Variants in HACE1 observed in about 807,000 individuals in gnomAD.
HACE1 encodes the protein HECT domain and ankyrin repeat containing E3 ubiquitin protein ligase 1.
Under a neutral mutation model 118.4 loss-of-function variants are expected in HACE1, and 73 were observed. The observed-to-expected ratio is 0.62, with a 90% confidence interval of 0.51 to 0.75. The LOEUF is 0.75. Ranked by LOEUF, HACE1 falls within the 30% of genes least tolerant of loss-of-function variation. The pLI is 0.00. For missense variants in HACE1, 749 were observed against 1,102.2 expected (o/e 0.68, Z 4.54); for synonymous variants, 368 against 374.8 (o/e 0.98, Z 0.21).
rs374010234 is a variant in HACE1, at chr6:104,771,358, G to C, written c.2046C>G (p.Ser682=). 6.2e-7 allele frequency: 1 copy of C among 1,612,016 alleles called. No homozygotes were observed. The highest frequency in any genetic ancestry group is 8.5e-7 in the Non-Finnish European group (1 of 1,178,242). Residue 682 remains serine (S), a synonymous_variant, in exon 19 of 24, where the codon TCC becomes TCG. Coordinates refer to ENST00000262903, the MANE Select transcript of HACE1 (RefSeq NM_020771.4). ...AATTTTTCGCATATTCTGGATCAATGGATGCCACATCTTGGTAATTTACAG... is the reference window on the plus strand; with the variant it reads ...AATTTTTCGCATATTCTGGATCAATCGATGCCACATCTTGGTAATTTACAG... The part of the protein sequence containing the change: ...GIPVNYQDVA[S]IDPEYAKNLQ...
chr6:104,838,695 T>C (rs933036936), intron 5 of HACE1, among the ~76,000 whole-genome samples: 3 of 151,786 alleles, frequency 2.0e-5, no homozygotes, highest in Non-Finnish European at 2.9e-5. Flanking sequence ...AAATTTGCTT[T>C]TAAGTAAAAG....
At chr6:104,730,694 C>A in intron 22 of HACE1, 1 of 383,620 alleles carries the variant, frequency 2.6e-6, no homozygotes, top group Non-Finnish European at 4.9e-6. Flanking sequence ...GCTACATTTA[C>A]AATTATTTGC....
chr6:104,792,131 T>G (rs1429541597), intron 10 of HACE1, among the ~76,000 whole-genome samples: 1 of 152,150 alleles, frequency 6.6e-6, no homozygotes, highest in Non-Finnish European at 1.5e-5. Context: ...CATATCCCCT[T>G]CCCACCACAG....
rs568708161 is a variant in HACE1, at chr6:104,841,644, C to T, written c.402+1579G>A. Reference sequence around the variant, plus strand: ...TTAGGAAAGTTGTTTTTCTATACCTCATTCCCCAATTTTTAATCATAAAGG... The same window carrying T: ...TTAGGAAAGTTGTTTTTCTATACCTTATTCCCCAATTTTTAATCATAAAGG... On this transcript the variant is annotated intron_variant, in intron 5 of 23. Transcript: ENST00000262903. 4.6e-5 allele frequency among the ~76,000 whole-genome samples: 7 copies of T among 152,250 alleles called. No homozygotes were observed. The South Asian group carries it at 1.2e-3, about 27-fold the overall frequency.
At chr6:104,801,410 A>G (rs775155049) in intron 7 of HACE1, among the ~76,000 whole-genome samples, 4 of 152,184 alleles carry the variant, frequency 2.6e-5, no homozygotes, top group Non-Finnish European at 5.9e-5. Context: ...CAAGACACAT[A>G]ACTGTCAGAT....
intron 5 of HACE1, among the ~76,000 whole-genome samples, chr6:104,837,087 C>T (rs1774619855): frequency 6.6e-6 from 1 of 152,164 alleles, no homozygotes; most frequent in Admixed American, 6.5e-5. Flanking sequence ...ATTGACCTAT[C>T]AGTTTAAAGC....
intron 19 of HACE1, among the ~76,000 whole-genome samples, chr6:104,750,942 C>T (rs923492963): frequency 3.9e-5 from 6 of 152,126 alleles, no homozygotes; most frequent in African/African-American, 1.2e-4. Context: ...AACTCAGATC[C>T]GGCAGCTCTC....
chr6:104,802,915 G>A (rs1363687523), intron 7 of HACE1, among the ~76,000 whole-genome samples: 2 of 152,278 alleles, frequency 1.3e-5, no homozygotes, highest in East Asian at 1.9e-4. Flanking sequence ...AAAAATCAAT[G>A]AATCCAGGAG....
At chr6:104,829,639 A>G (rs1054747810) in intron 6 of HACE1, among the ~76,000 whole-genome samples, 1 of 152,152 alleles carries the variant, frequency 6.6e-6, no homozygotes, top group Non-Finnish European at 1.5e-5. Context: ...CTTTACCTGT[A>G]TATGATCATT....
intron 22 of HACE1, among the ~76,000 whole-genome samples, chr6:104,735,734 A>G (rs9377669): frequency 0.22 from 33,433 of 152,174 alleles, 3,842 homozygotes; most frequent in African/African-American, 0.29. Context: ...AAATGAATAT[A>G]TATCAAGATT....
At position 104,797,006 on chromosome 6, in the gene HACE1, C is replaced by T; in HGVS notation, c.637G>A (p.Ala213Thr). ...GCTCCTCGTAATAGTAGGATCTGTG[C>T]TGTATCTCTCTGACCATGACTGTGT... Reference protein sequence around the residue: ...FACSHGQRDTAQILLLRGAKY... With the variant: ...FACSHGQRDTTQILLLRGAKY... Residue 213 changes from alanine to threonine, a missense_variant, in exon 8 of 24, where the codon GCA becomes ACA. Physicochemically the swap from Ala to Thr is moderately conservative, Grantham distance 58 (BLOSUM62 0). This residue lies in a region of HACE1 where 267 missense variants were observed against 312.2 expected (regional missense o/e 0.86). Coordinates refer to ENST00000262903, the MANE Select transcript of HACE1 (RefSeq NM_020771.4). 2 of 1,584,656 alleles carry T rather than the reference C, an allele frequency of 1.3e-6. No homozygotes were observed. The highest frequency in any genetic ancestry group is 1.3e-5 in the African/African-American group (1 of 74,476).
chr6:104,754,715 C>T (rs1778417238), intron 19 of HACE1, among the ~76,000 whole-genome samples: 1 of 152,144 alleles, frequency 6.6e-6, no homozygotes, highest in Admixed American at 6.5e-5. Flanking sequence ...GAAATAAGAT[C>T]CTTTTCAGAA....
At position 104,837,543 on chromosome 6, in the gene HACE1, GA is replaced by G. The variant is rs1485056219; in HGVS notation, c.403-4371del. 2.6e-5 allele frequency among the ~76,000 whole-genome samples: 4 copies of G among 152,066 alleles called. No individual in the cohort carries two copies. In the East Asian group the frequency reaches 5.8e-4, roughly 22 times the overall value. On this transcript the variant is annotated intron_variant, in intron 5 of 23. Coordinates refer to ENST00000262903, the MANE Select transcript of HACE1 (RefSeq NM_020771.4). ...AAAACACAGAAACATAAAACTTGTA[GA>G]AAAAAATATATGAGACAATCTTCAG...
chr6:104,757,617 A>G (rs1265827089), intron 19 of HACE1, among the ~76,000 whole-genome samples: 2 of 152,196 alleles, frequency 1.3e-5, no homozygotes, highest in African/African-American at 4.8e-5. Context: ...TGAAAATACC[A>G]AAAACCAGAA....
chr6:104,760,945 C>T (rs1338808208), intron 19 of HACE1, among the ~76,000 whole-genome samples: 1 of 152,112 alleles, frequency 6.6e-6, no homozygotes, highest in African/African-American at 2.4e-5. Flanking sequence ...CTTAAATTCA[C>T]AATTACTATT....
chr6:104,745,083 A>G (rs979747157), intron 20 of HACE1, among the ~76,000 whole-genome samples: 3 of 152,194 alleles, frequency 2.0e-5, no homozygotes, highest in Admixed American at 2.0e-4. Flanking sequence ...AGGAAAAAGG[A>G]GGTAATATAA....
At chr6:104,768,793 C>T (rs1468397268) in intron 19 of HACE1, among the ~76,000 whole-genome samples, 1 of 152,056 alleles carries the variant, frequency 6.6e-6, no homozygotes, top group Non-Finnish European at 1.5e-5. Context: ...GTTTCAAGCT[C>T]TTTAATATTA....
intron 4 of HACE1, among the ~76,000 whole-genome samples, chr6:104,846,847 A>C (rs1775717399): frequency 6.6e-6 from 1 of 152,236 alleles, no homozygotes; most frequent in South Asian, 2.1e-4. Context: ...CAAGGCTTCC[A>C]CTCAATAAAT....
intron 1 of HACE1, 57 bp from the exon 2 acceptor site, chr6:104,852,428 CT>C: frequency 9.7e-7 from 1 of 1,034,126 alleles, no homozygotes; most frequent in Non-Finnish European, 1.5e-6. Flanking sequence ...AGGGGTGATA[CT>C]TAAGATTAGT....
Sources: allele counts gnomAD v4.1 joint callset (sites outside exome capture counted in the v4.1 genomes callset), GRCh38; gene constraint gnomAD v4.1.1; regional missense constraint gnomAD v4.1.1; transcripts MANE v1.5; gene names NCBI Gene and HGNC (gene_info 2026-07-23, HGNC 2026-07-21).